Variants in NVL observed in about 807,000 individuals in gnomAD.
NVL encodes nuclear valosin-containing protein-like.
A neutral mutation model predicts 110.2 loss-of-function variants in NVL; 84 were observed. That is an observed-to-expected ratio of 0.76 (90% CI 0.64 to 0.91). The LOEUF is 0.91. NVL is among the 40% of genes least tolerant of loss of function. The pLI is 0.00. For missense variants in NVL, 882 were observed against 1,035.9 expected (o/e 0.85, Z 2.04); for synonymous variants, 354 against 361.1 (o/e 0.98, Z 0.22).
At chr1:224,232,610 G>A (rs1039375444) in intron 21 of NVL, among the ~76,000 whole-genome samples, 1 of 151,948 alleles carries the variant, frequency 6.6e-6, no homozygotes, top group Non-Finnish European at 1.5e-5. Context: ...TCCTCCTGCC[G>A]CAGCTTCCCA....
chr1:224,296,544 A>T lies in NVL; in HGVS notation c.1137T>A (p.Asp379Glu). 1 of 1,609,436 alleles carries T rather than the reference A, an allele frequency of 6.2e-7. No homozygotes were observed. Among genetic ancestry groups the T allele is most frequent in the Non-Finnish European group, 8.5e-7 (1 of 1,177,798 alleles). The change falls in exon 11 of 23, where the codon GAT (aspartate) becomes GAA (glutamate). Residue 379 changes from aspartate (D) to glutamate (E), a missense_variant. Transcript: ENST00000281701. ...GTTGGGCTACAATTCTTCGTTCCAT[A>T]TCTTTTGAAGCCACTTCTCTTTTGG... ...ITPKREVASK[D>E]MERRIVAQLL...
intron 19 of NVL, among the ~76,000 whole-genome samples, chr1:224,237,676 C>T (rs535858555): frequency 2.0e-5 from 3 of 151,986 alleles, no homozygotes; most frequent in Non-Finnish European, 2.9e-5. Context: ...CACAAGAGAT[C>T]CTTCTACCTC....
At chr1:224,273,617 C>A (rs1477509036) in intron 17 of NVL, among the ~76,000 whole-genome samples, 1 of 152,088 alleles carries the variant, frequency 6.6e-6, no homozygotes, top group East Asian at 1.9e-4. Flanking sequence ...TACCAGCTGA[C>A]AGTAGAGAGC....
At chr1:224,260,217 G>A (rs1320775313) in intron 18 of NVL, among the ~76,000 whole-genome samples, 5 of 152,134 alleles carry the variant, frequency 3.3e-5, no homozygotes, top group Non-Finnish European at 7.4e-5. Context: ...AAATATCTTA[G>A]TACAATGAAA....
intron 18 of NVL, among the ~76,000 whole-genome samples, chr1:224,263,268 C>T (rs57027684): frequency 0.056 from 8,489 of 152,188 alleles, 744 homozygotes; most frequent in African/African-American, 0.18. Context: ...AACCATATCA[C>T]TCACCAAGGT....
chr1:224,248,232 T>C (rs74960545), intron 19 of NVL, among the ~76,000 whole-genome samples: 11,867 of 152,286 alleles, frequency 0.078, 562 homozygotes, highest in Non-Finnish European at 0.11. Context: ...GTTAATCCAA[T>C]GTCCTACTAA....
rs746760463 is a variant in NVL, at chr1:224,308,133, C to G, written c.473G>C (p.Gly158Ala). 2.5e-6 allele frequency: 4 copies of G among 1,614,014 alleles called. No individual in the cohort carries two copies. The South Asian group carries it at 4.4e-5, about 18-fold the overall frequency. The part of the protein sequence containing the change: ...SSTPRISSKT[G>A]SIPLKTPAKD... ...GGCAGGGGTCTTCAAGGGAATGGAG[C>G]CTGTTTTGGAACTTATCCGTGGTGT... The change falls in exon 6 of 23, where the codon GGC (glycine) becomes GCC (alanine). Residue 158 changes from glycine (G) to alanine (A), a missense_variant. Around this residue, in one of 4 missense-constraint regions of NVL, gnomAD observed 274 missense variants for 268.4 expected, o/e 1.02. Transcript: ENST00000281701.
intron 19 of NVL, among the ~76,000 whole-genome samples, chr1:224,244,165 C>G (rs984861442): frequency 2.0e-5 from 3 of 151,064 alleles, no homozygotes; most frequent in Non-Finnish European, 2.9e-5. Context: ...GTCGGGAGTT[C>G]GAGACCAGCC....
At position 224,295,630 on chromosome 1, in the gene NVL, G is replaced by C. The variant is rs1368465490; in HGVS notation, c.1180+871C>G. Among the ~76,000 whole-genome samples, 3 of 151,780 alleles carry C rather than the reference G, an allele frequency of 2.0e-5. No homozygotes were observed. In the East Asian group the frequency reaches 5.8e-4, roughly 29 times the overall value. On this transcript the variant is annotated intron_variant, in intron 11 of 22. Coordinates refer to ENST00000281701, the MANE Select transcript of NVL (RefSeq NM_002533.4). ...GCACTTCGGGAGGCTGAAGCAGAAA[G>C]ACTGAGCCCAGGAGTTCGAGATCAG... is the stretch of plus-strand genomic sequence containing the variant.
chr1:224,286,001 A>C, intron 15 of NVL, 25 bp downstream of exon 15: 1 of 1,512,386 alleles, frequency 6.6e-7, no homozygotes, highest in Non-Finnish European at 9.2e-7. Flanking sequence ...GAAATAAATT[A>C]CATGCAATTG....
chr1:224,318,420 T>C (rs565185289), intron 2 of NVL, among the ~76,000 whole-genome samples: 4 of 150,890 alleles, frequency 2.7e-5, no homozygotes, highest in Non-Finnish European at 5.9e-5. Context: ...CCTGCCAACA[T>C]AGGGAAACCC....
At chr1:224,281,046 G>T in intron 16 of NVL, 77 bp downstream of exon 16, 1 of 1,281,680 alleles carries the variant, frequency 7.8e-7, no homozygotes. Context: ...TGAAAGATCT[G>T]AGAACATTTT....
intron 4 of NVL, among the ~76,000 whole-genome samples, 180 bp downstream of exon 4, chr1:224,317,514 G>C (rs1670207364): frequency 6.6e-6 from 1 of 152,076 alleles, no homozygotes; most frequent in Non-Finnish European, 1.5e-5. Context: ...CCATACAAAG[G>C]CACAGCCAAA....
intron 19 of NVL, among the ~76,000 whole-genome samples, chr1:224,239,392 G>A (rs895332440): frequency 5.3e-5 from 8 of 152,258 alleles, no homozygotes; most frequent in Admixed American, 4.6e-4. Flanking sequence ...GGGGGCATCA[G>A]TGAACATATA....
intron 9 of NVL, among the ~76,000 whole-genome samples, chr1:224,302,134 C>A (rs1415313125): frequency 6.6e-6 from 1 of 152,054 alleles, no homozygotes; most frequent in African/African-American, 2.4e-5. Context: ...CAATCAAGTC[C>A]CCCTTTACAA....
At chr1:224,249,726 C>T (rs1229585960) in intron 19 of NVL, among the ~76,000 whole-genome samples, 6 of 151,958 alleles carry the variant, frequency 3.9e-5, no homozygotes, top group Non-Finnish European at 8.8e-5. Context: ...GCCTGGGTGA[C>T]AGAGCAAGAC....
intron 19 of NVL, 39 bp from the exon 20 acceptor site, chr1:224,236,621 A>C (rs1660507963): frequency 6.5e-7 from 1 of 1,539,412 alleles, no homozygotes; most frequent in Admixed American, 1.7e-5. Flanking sequence ...TTGGAGCTTT[A>C]AAGACCATGC....
rs752091777 is a variant in NVL, at chr1:224,294,319, T to G, written c.1273A>C (p.Arg425=). 2.5e-6 allele frequency: 4 copies of G among 1,614,180 alleles called. No individual in the cohort carries two copies. Among genetic ancestry groups the G allele is most frequent in the Non-Finnish European group, 3.4e-6 (4 of 1,180,044 alleles). The change falls in exon 12 of 23, where the codon AGG becomes CGG. Residue 425 remains arginine, a synonymous_variant. Transcript: ENST00000281701. ...SLDPALRRAG[R]FDREICLGIP... ...CCTAGGCATATTTCTCGGTCGAACC[T>G]TCCCGCACGTCTCAAAGCAGGGTCT...
chr1:224,238,846 G>A (rs1322969599), intron 19 of NVL, among the ~76,000 whole-genome samples: 1 of 152,102 alleles, frequency 6.6e-6, no homozygotes, highest in Non-Finnish European at 1.5e-5. Flanking sequence ...ACAAAAAACT[G>A]ACCATTTCAA....
Sources: gnomAD v4.1 joint callset for allele counts (sites outside exome capture counted in the v4.1 genomes callset) on GRCh38, gnomAD v4.1.1 for gene constraint, gnomAD v4.1.1 regional missense constraint, MANE v1.5 for transcripts, NCBI Gene and HGNC (gene_info 2026-07-23, HGNC 2026-07-21) for gene names.